NFIB: variants seen among roughly 807,000 people sequenced by gnomAD.
NFIB encodes nuclear factor I B.
In NFIB, 11 loss-of-function variants were observed where a neutral mutation model predicts 61.5. The observed-to-expected ratio is 0.18, with a 90% CI of 0.11 to 0.30. The LOEUF is 0.30. NFIB is among the 10% of genes least tolerant of loss of function. The pLI is 1.00. For synonymous variants in NFIB, 260 were observed against 216.5 expected (o/e 1.20, Z -1.76); for missense variants, 471 against 608.9 (o/e 0.77, Z 2.38).
intron 1 of NFIB, among the ~76,000 whole-genome samples, chr9:14,359,997 C>T (rs565949001): frequency 6.6e-6 from 1 of 152,124 alleles, no homozygotes; most frequent in East Asian, 1.9e-4. Context: ...AAATTCCTAA[C>T]CAATGTAGAC....
chr9:14,373,487 T>A (rs1471167113), intron 1 of NFIB, among the ~76,000 whole-genome samples: 1 of 152,192 alleles, frequency 6.6e-6, no homozygotes, highest in Non-Finnish European at 1.5e-5. Flanking sequence ...TAAATCTTTT[T>A]GAATTATTGT....
intron 2 of NFIB, among the ~76,000 whole-genome samples, chr9:14,181,827 G>A (rs946922026): frequency 6.6e-6 from 1 of 152,152 alleles, no homozygotes; most frequent in African/African-American, 2.4e-5. Flanking sequence ...CCTCAAGGTG[G>A]CTAATGCCAA....
chr9:14,427,943 T>TTTTTTTTGTTTTG, the NFIB span, among the ~76,000 whole-genome samples: 4 of 76,402 alleles, frequency 5.2e-5, no homozygotes, highest in African/African-American at 3.0e-4. Flanking sequence ...AGTTGTTTTT[T>TTTTTTTTGTTTTG]TTTTTTTTTT....
At chr9:14,213,976 C>T (rs1259410088) in intron 2 of NFIB, among the ~76,000 whole-genome samples, 1 of 152,130 alleles carries the variant, frequency 6.6e-6, no homozygotes, top group Non-Finnish European at 1.5e-5. Context: ...CTCATTTCAC[C>T]TCACATCATT....
At chr9:14,460,138 A>G in the NFIB span, among the ~76,000 whole-genome samples, 1 of 152,170 alleles carries the variant, frequency 6.6e-6, no homozygotes, top group Admixed American at 6.5e-5. Flanking sequence ...GCAACGATAG[A>G]CTGGATTAAG....
chr9:14,322,749 T>C (rs941947007), intron 1 of NFIB, among the ~76,000 whole-genome samples: 14 of 151,272 alleles, frequency 9.3e-5, no homozygotes, highest in Non-Finnish European at 1.9e-4. Context: ...CGAGTGGGTG[T>C]GGCGGCCTGC....
At chr9:14,303,249 C>T (rs1386733010) in intron 2 of NFIB, among the ~76,000 whole-genome samples, 1 of 152,212 alleles carries the variant, frequency 6.6e-6, no homozygotes, top group Non-Finnish European at 1.5e-5. Flanking sequence ...GAGCAACAGT[C>T]AGTCATAATG....
At chr9:14,503,149 AAAT>A in the NFIB span, among the ~76,000 whole-genome samples, 2 of 149,456 alleles carry the variant, frequency 1.3e-5, no homozygotes, top group South Asian at 2.1e-4. Flanking sequence ...TATATATATA[AAAT>A]AATATATATA....
chr9:14,377,153 T>C (rs1360303436), intron 1 of NFIB, among the ~76,000 whole-genome samples: 1 of 152,256 alleles, frequency 6.6e-6, no homozygotes, highest in Admixed American at 6.5e-5. Flanking sequence ...TTAACACACA[T>C]ACACATACCC....
the NFIB span, among the ~76,000 whole-genome samples, chr9:14,449,325 A>T: frequency 5.5e-4 from 83 of 152,278 alleles, no homozygotes; most frequent in African/African-American, 1.9e-3. Context: ...AGAGAGCTAA[A>T]ACCTACTGAT....
chr9:14,106,973 C>CA (rs1563790546), intron 10 of NFIB, among the ~76,000 whole-genome samples: 1 of 151,888 alleles, frequency 6.6e-6, no homozygotes, highest in African/African-American at 2.4e-5. Context: ...TACCTTCTCA[C>CA]TTTTTTTTCT....
intron 2 of NFIB, among the ~76,000 whole-genome samples, chr9:14,256,493 T>C (rs923966225): frequency 1.3e-5 from 2 of 151,402 alleles, no homozygotes; most frequent in African/African-American, 4.9e-5. Flanking sequence ...AGAAGAAAAA[T>C]CAGAAAGCAG....
At chr9:14,133,000 GAGTTTGATACAGACCAGAGA>G (rs1474713879) in intron 6 of NFIB, among the ~76,000 whole-genome samples, 3 of 152,104 alleles carry the variant, frequency 2.0e-5, no homozygotes, top group African/African-American at 7.2e-5. Flanking sequence ...CTGACCAGAG[GAGTTTGATACAGACCAGAGA>G]AGGAAAGAAC....
chr9:14,353,401 G>T (rs2132920724), intron 1 of NFIB, among the ~76,000 whole-genome samples: 1 of 152,256 alleles, frequency 6.6e-6, no homozygotes, highest in East Asian at 1.9e-4. Context: ...AGAACAAATG[G>T]TGGACCACTG....
chr9:14,125,400 C>A (rs954380022), intron 7 of NFIB, among the ~76,000 whole-genome samples: 2 of 152,230 alleles, frequency 1.3e-5, no homozygotes, highest in Admixed American at 1.3e-4. Context: ...TCGTGATCCA[C>A]CCGCCTCAGC....
At chr9:14,183,539 G>A (rs1255130476) in intron 2 of NFIB, among the ~76,000 whole-genome samples, 2 of 151,992 alleles carry the variant, frequency 1.3e-5, no homozygotes, top group African/African-American at 2.4e-5. Context: ...GAGTAGCTAG[G>A]ACTACAGGCG....
Position 14,371,091 on chromosome 9 carries a change from T to C in NFIB, c.108+27433A>G, listed in dbSNP as rs181235922. 2.6e-5 allele frequency among the ~76,000 whole-genome samples: 4 copies of C among 152,110 alleles called. No homozygotes were observed. In the East Asian group the frequency reaches 7.7e-4, roughly 29 times the overall value. The stretch of plus-strand genomic sequence containing the variant: ...GCCTGGGTGATAGAGCGAGACCCTG[T>C]CTCAAAAAAACCAAACCAAAACAAA... On this transcript the variant is annotated intron_variant, in intron 1 of 8. Transcript: ENST00000380934.
chr9:14,518,860 G>T, the NFIB span, among the ~76,000 whole-genome samples: 1 of 152,046 alleles, frequency 6.6e-6, no homozygotes, highest in Non-Finnish European at 1.5e-5. Flanking sequence ...TCCCTCTCTG[G>T]ATCGGAGCAG....
intron 2 of NFIB, among the ~76,000 whole-genome samples, chr9:14,215,373 T>C (rs1046831146): frequency 7.0e-6 from 1 of 143,456 alleles, no homozygotes; most frequent in Non-Finnish European, 1.5e-5. Context: ...CTGCATATAC[T>C]AAGACTATGT....
Sources: gnomAD v4.1 joint callset for allele counts (sites outside exome capture counted in the v4.1 genomes callset) on GRCh38, gnomAD v4.1.1 for gene constraint, MANE v1.5 for transcripts, NCBI Gene and HGNC (gene_info 2026-07-23, HGNC 2026-07-21) for gene names.